Variants in TMEM9B observed in about 807,000 individuals in gnomAD.
TMEM9B encodes the protein TMEM9 domain family member B.
TMEM9B carries 8 observed loss-of-function variants against 23.5 expected under a neutral mutation model. That is an observed-to-expected ratio of 0.34 (90% confidence interval 0.20 to 0.61). The LOEUF (loss-of-function observed/expected upper bound fraction) is 0.61, where lower values mean the gene tolerates loss of function less well. TMEM9B is among the 20% of genes least tolerant of loss of function. TMEM9B has a pLI of 0.78. For synonymous variants in TMEM9B, 106 were observed against 96.3 expected (o/e 1.10, Z -0.59); for missense variants, 197 against 252.3 (o/e 0.78, Z 1.49).
rs143307418 is a variant in TMEM9B at position 8,948,313 on chromosome 11, T to C, written c.*7A>G. 776 of 1,611,978 alleles carry C rather than the reference T, an allele frequency of 4.8e-4. 1 individual carries two copies. In the African/African-American group the frequency reaches 9.0e-3, roughly 19 times the overall value. On this transcript the variant is annotated 3_prime_UTR_variant, in exon 5 of 5. Coordinates refer to ENST00000534025, the MANE Select transcript of TMEM9B (RefSeq NM_020644.3). Reference sequence around the variant, plus strand: ...TTCTTTCTAGTCACCTTGAATTCAATTCCCAATTAGCTGAGGACAACATGC... The same window carrying C: ...TTCTTTCTAGTCACCTTGAATTCAACTCCCAATTAGCTGAGGACAACATGC...
At chr11:8,964,726 C>A, upstream of TMEM9B, 1 of 179,336 alleles carries the variant, frequency 5.6e-6, no homozygotes. Flanking sequence ...CTCCGAGTGT[C>A]ACACAGTCGC....
At chr11:8,961,523 T>TCC (rs1566125318) in intron 2 of TMEM9B, among the ~76,000 whole-genome samples, 1 of 152,112 alleles carries the variant, frequency 6.6e-6, no homozygotes. Context: ...TCAGTCAGGA[T>TCC]CCCCCAGTCA....
chr11:8,950,708 A>G (rs1406570586), intron 4 of TMEM9B, among the ~76,000 whole-genome samples: 1 of 152,208 alleles, frequency 6.6e-6, no homozygotes, highest in Non-Finnish European at 1.5e-5. Context: ...GTTTTACTGT[A>G]ATGCTTTGGT....
intron 2 of TMEM9B, among the ~76,000 whole-genome samples, chr11:8,959,834 T>C (rs1854042896): frequency 6.6e-6 from 1 of 152,156 alleles, no homozygotes; most frequent in Admixed American, 6.6e-5. Flanking sequence ...ACTCTTAAGT[T>C]TTAAGTCAGC....
chr11:8,955,557 A>C (rs1465048610), intron 3 of TMEM9B, among the ~76,000 whole-genome samples: 1 of 152,202 alleles, frequency 6.6e-6, no homozygotes, highest in Non-Finnish European at 1.5e-5. Flanking sequence ...TCTCATAAGG[A>C]GCATGCAGCC....
chr11:8,953,489 A>C, intron 3 of TMEM9B, 152 bp from the exon 4 acceptor site: 2 of 795,210 alleles, frequency 2.5e-6, no homozygotes, highest in Non-Finnish European at 3.8e-6. Flanking sequence ...TCAACTCTTC[A>C]CCAAAGTATT....
chr11:8,964,136 G>A (rs1854139307), intron 1 of TMEM9B, 73 bp downstream of exon 1: 1 of 1,447,100 alleles, frequency 6.9e-7, no homozygotes, highest in Admixed American at 2.0e-5. Context: ...GGAGCAGGTT[G>A]GCAGACCCAG....
intron 4 of TMEM9B, among the ~76,000 whole-genome samples, chr11:8,951,731 C>T (rs761675181): frequency 2.1e-5 from 3 of 143,620 alleles, no homozygotes; most frequent in South Asian, 4.4e-4. Flanking sequence ...GCAGTCCAGC[C>T]GGGGCAACAG....
chr11:8,964,173 G>A, intron 1 of TMEM9B, 36 bp downstream of exon 1: 1 of 1,546,276 alleles, frequency 6.5e-7, no homozygotes, highest in Non-Finnish European at 8.7e-7. Flanking sequence ...GGTAGGGGAG[G>A]AGCTTCCGTC....
chr11:8,961,781 A>ATTCT (rs1854088215), intron 2 of TMEM9B, among the ~76,000 whole-genome samples: 7 of 152,230 alleles, frequency 4.6e-5, no homozygotes, highest in African/African-American at 1.7e-4. Context: ...AGAGGGAGAA[A>ATTCT]GGTCCCTCAC....
At chr11:8,953,485 C>G in intron 3 of TMEM9B, 148 bp from the exon 4 acceptor site, 3 of 814,428 alleles carry the variant, frequency 3.7e-6, no homozygotes, top group Non-Finnish European at 5.6e-6. Context: ...AAACTCAACT[C>G]TTCACCAAAG....
intron 4 of TMEM9B, among the ~76,000 whole-genome samples, chr11:8,949,565 T>C (rs1853838858): frequency 6.6e-6 from 1 of 152,206 alleles, no homozygotes; most frequent in Non-Finnish European, 1.5e-5. Context: ...AAAGCTCTAT[T>C]ATATATCCAG....
intron 2 of TMEM9B, among the ~76,000 whole-genome samples, chr11:8,960,417 C>G (rs1259169869): frequency 1.3e-5 from 2 of 152,138 alleles, no homozygotes; most frequent in Non-Finnish European, 2.9e-5. Flanking sequence ...GCTGGGATTA[C>G]AGGTGTGAGC....
At chr11:8,963,704 C>T (rs1036207095) in intron 1 of TMEM9B, among the ~76,000 whole-genome samples, 9 of 152,152 alleles carry the variant, frequency 5.9e-5, no homozygotes, top group African/African-American at 2.2e-4. Context: ...AAGTTCCCAC[C>T]ACAGGAAGGG....
intron 2 of TMEM9B, among the ~76,000 whole-genome samples, chr11:8,956,548 A>G (rs756700768): frequency 2.6e-5 from 4 of 152,188 alleles, no homozygotes; most frequent in Non-Finnish European, 5.9e-5. Context: ...TACTGTTAAC[A>G]GTTACAAAAA....
At position 8,959,695 on chromosome 11, in the gene TMEM9B, AT is replaced by A. The variant is rs561010600; in HGVS notation, c.197+2396del. 2.0e-5 allele frequency among the ~76,000 whole-genome samples: 3 copies of A among 152,344 alleles called. No individual in the cohort carries two copies. In the South Asian group the frequency reaches 6.2e-4, roughly 32 times the overall value. On this transcript the variant is annotated intron_variant, in intron 2 of 4. Coordinates refer to ENST00000534025, the MANE Select transcript of TMEM9B (RefSeq NM_020644.3). ...GAAGGTTGATTTTGGCTGACCAGTCATTACAAACAGAGCTAGACCTAGTCAG... is the reference window on the plus strand; with the variant it reads ...GAAGGTTGATTTTGGCTGACCAGTCATACAAACAGAGCTAGACCTAGTCAG...
chr11:8,955,166 T>A (rs1173398922), intron 3 of TMEM9B, among the ~76,000 whole-genome samples: 20 of 102,514 alleles, frequency 2.0e-4, no homozygotes, highest in South Asian at 3.2e-4. Context: ...AAAAAAAAAA[T>A]TGGAAGAAAA....
At chr11:8,953,420 C>T (rs755677344) in intron 3 of TMEM9B, 83 bp from the exon 4 acceptor site, 1 of 1,382,860 alleles carries the variant, frequency 7.2e-7, no homozygotes, top group South Asian at 1.3e-5. Flanking sequence ...AACTGACTGA[C>T]ATATCTGCTA....
upstream of TMEM9B, chr11:8,964,491 C>T (rs568463545): frequency 5.2e-5 from 74 of 1,412,976 alleles, no homozygotes; most frequent in Middle Eastern, 2.1e-3. Context: ...AAAAAGCATC[C>T]GCCCCGGAAC....
Sources: gnomAD v4.1 joint callset for allele counts (sites outside exome capture counted in the v4.1 genomes callset) on GRCh38, gnomAD v4.1.1 for gene constraint, MANE v1.5 for transcripts, NCBI Gene and HGNC (gene_info 2026-07-23, HGNC 2026-07-21) for gene names.